ADGRL2: variants seen among roughly 807,000 people sequenced by gnomAD.
The protein encoded by ADGRL2 is adhesion G protein-coupled receptor L2.
ADGRL2 carries 44 observed loss-of-function variants against 157.4 expected under a neutral mutation model. The observed-to-expected ratio is 0.28, with a 90% CI of 0.22 to 0.36. The LOEUF (loss-of-function observed/expected upper bound fraction) is 0.36. Ranked by LOEUF, ADGRL2 falls within the 10% of genes least tolerant of loss-of-function variation. The pLI, the probability that ADGRL2 is intolerant of heterozygous loss-of-function variation, is 1.00. For synonymous variants in ADGRL2, 585 were observed against 624.7 expected, an observed-to-expected ratio of 0.94 and a Z score of 0.95; for missense variants, 1,510 against 1,768.9, an observed-to-expected ratio of 0.85 and a Z score of 2.63.
rs184908946 is a variant in ADGRL2, at chr1:81,396,091, C to T, written c.-301-48945C>T. 5.3e-5 allele frequency among the ~76,000 whole-genome samples: 8 copies of T among 152,150 alleles called. No homozygotes were observed. In the South Asian group the frequency reaches 1.5e-3, roughly 28 times the overall value. On this transcript the variant is annotated intron_variant, in intron 1 of 24. Transcript: ENST00000370721. ...TGCATTGCATTGAATCTATAGATCA[C>T]TTTTGGTTGTATGGTCATTTTTACA...
chr1:81,640,217 C>A (rs2082191338), intron 3 of ADGRL2, among the ~76,000 whole-genome samples: 1 of 152,112 alleles, frequency 6.6e-6, no homozygotes, highest in Admixed American at 6.6e-5. Context: ...AGGAGGCCAC[C>A]ATTGCCTATA....
intron 1 of ADGRL2, among the ~76,000 whole-genome samples, chr1:81,728,469 T>C (rs997444714): frequency 1.3e-5 from 2 of 152,222 alleles, no homozygotes; most frequent in Admixed American, 1.3e-4. Flanking sequence ...TAGATAACTG[T>C]GATGACCCTG....
intron 3 of ADGRL2, among the ~76,000 whole-genome samples, chr1:81,907,969 G>A (rs1177842966): frequency 6.6e-6 from 1 of 152,164 alleles, no homozygotes; most frequent in Admixed American, 6.5e-5. Flanking sequence ...AGATGCTAAT[G>A]GATCTGAACT....
chr1:81,814,874 T>C (rs1338110418), intron 1 of ADGRL2, among the ~76,000 whole-genome samples: 2 of 151,700 alleles, frequency 1.3e-5, no homozygotes, highest in Non-Finnish European at 3.0e-5. Flanking sequence ...AAGTTTGTTA[T>C]TTTAAAATGA....
intron 1 of ADGRL2, among the ~76,000 whole-genome samples, chr1:81,817,887 A>C (rs192076150): frequency 6.6e-6 from 1 of 152,062 alleles, no homozygotes; most frequent in African/African-American, 2.4e-5. Flanking sequence ...TCTTTTGGCC[A>C]AGTGCGGTGT....
At chr1:81,627,893 A>G (rs2081940815) in intron 3 of ADGRL2, among the ~76,000 whole-genome samples, 1 of 152,164 alleles carries the variant, frequency 6.6e-6, no homozygotes, top group Non-Finnish European at 1.5e-5. Context: ...CTGTGCTTAG[A>G]TCCTGAGCAG....
intron 3 of ADGRL2, among the ~76,000 whole-genome samples, chr1:81,662,581 G>A (rs1215801301): frequency 6.9e-6 from 1 of 145,514 alleles, no homozygotes; most frequent in Non-Finnish European, 1.5e-5. Flanking sequence ...TTGAGACAGA[G>A]TCTCGCTCTG....
chr1:81,769,589 T>C (rs567518649), intron 2 of ADGRL2, among the ~76,000 whole-genome samples: 3 of 151,610 alleles, frequency 2.0e-5, no homozygotes, highest in Admixed American at 2.0e-4. Flanking sequence ...ATTATTATAA[T>C]TATATAATAA....
At chr1:81,525,211 C>T (rs1250415810) in intron 2 of ADGRL2, among the ~76,000 whole-genome samples, 1 of 152,130 alleles carries the variant, frequency 6.6e-6, no homozygotes, top group East Asian at 1.9e-4. Context: ...GAGTGGCTCA[C>T]CTCTCTTCAA....
intron 1 of ADGRL2, among the ~76,000 whole-genome samples, chr1:81,728,374 C>T (rs2084608600): frequency 6.6e-6 from 1 of 152,148 alleles, no homozygotes. Flanking sequence ...GCCACTAAGC[C>T]TACTTTACCT....
chr1:81,974,369 T>C (rs978115345), intron 17 of ADGRL2, among the ~76,000 whole-genome samples: 2 of 152,258 alleles, frequency 1.3e-5, no homozygotes, highest in East Asian at 1.9e-4. Flanking sequence ...TTCTTATCAT[T>C]TGGACAGCTC....
At chr1:81,515,844 T>C (rs2079165620) in intron 2 of ADGRL2, among the ~76,000 whole-genome samples, 1 of 152,168 alleles carries the variant, frequency 6.6e-6, no homozygotes, top group Admixed American at 6.5e-5. Context: ...TAGAAGATTA[T>C]GCTATATGTT....
chr1:81,544,479 T>A (rs1479251611), intron 2 of ADGRL2, among the ~76,000 whole-genome samples: 1 of 152,188 alleles, frequency 6.6e-6, no homozygotes, highest in Admixed American at 6.5e-5. Flanking sequence ...TTTTCCAAAC[T>A]CGCTGCCATC....
At chr1:81,374,912 T>C (rs571410397) in intron 1 of ADGRL2, among the ~76,000 whole-genome samples, 62 of 152,338 alleles carry the variant, frequency 4.1e-4, no homozygotes, top group Non-Finnish European at 7.8e-4. Context: ...ATCCATCCTT[T>C]GCCTCCTGAC....
At position 81,637,313 on chromosome 1, in the gene ADGRL2, A is replaced by C. The variant is rs191912885; in HGVS notation, c.-143+56333A>C. Reference sequence around the variant, plus strand: ...CCTTTAATCTTCACAAAAGCCTTCCAGGTAGGAATTATAATCTTCAATTTC... The same window carrying C: ...CCTTTAATCTTCACAAAAGCCTTCCCGGTAGGAATTATAATCTTCAATTTC... On this transcript the variant is annotated intron_variant, in intron 3 of 24. Coordinates refer to the ADGRL2 transcript ENST00000370721. Among the ~76,000 whole-genome samples the C allele has an allele frequency of 3.3e-5, 5 of 152,346 alleles. No homozygotes were observed. The East Asian group carries it at 9.7e-4, about 29-fold the overall frequency.
At chr1:81,450,753 G>A (rs2077687768) in intron 2 of ADGRL2, among the ~76,000 whole-genome samples, 1 of 151,950 alleles carries the variant, frequency 6.6e-6, no homozygotes, top group African/African-American at 2.4e-5. Context: ...AAAAATCAAT[G>A]AATATTTGAG....
At chr1:81,635,911 A>G (rs1011742408) in intron 3 of ADGRL2, among the ~76,000 whole-genome samples, 2 of 152,236 alleles carry the variant, frequency 1.3e-5, no homozygotes, top group Admixed American at 6.5e-5. Flanking sequence ...GCTAAAAGTT[A>G]TCTGATTTAT....
chr1:81,583,090 T>C (rs1455663107), intron 3 of ADGRL2, among the ~76,000 whole-genome samples: 1 of 152,144 alleles, frequency 6.6e-6, no homozygotes, highest in Non-Finnish European at 1.5e-5. Flanking sequence ...GAAACTCCTA[T>C]ACAAAAGAAA....
intron 3 of ADGRL2, among the ~76,000 whole-genome samples, chr1:81,656,820 G>A (rs949291319): frequency 1.3e-5 from 2 of 151,822 alleles, no homozygotes; most frequent in African/African-American, 4.8e-5. Context: ...AAACAGCCTG[G>A]GCAACATGGC....
Sources: allele counts gnomAD v4.1 joint callset (sites outside exome capture counted in the v4.1 genomes callset), GRCh38; gene constraint gnomAD v4.1.1; transcripts MANE v1.5; gene names NCBI Gene and HGNC (gene_info 2026-07-23, HGNC 2026-07-21).